RYR2: variants seen among roughly 807,000 people sequenced by gnomAD.
RYR2 encodes the protein ryanodine receptor 2, also known as cardiac muscle ryanodine receptor-calcium release channel.
In RYR2, 227 loss-of-function variants were observed where a neutral mutation model predicts 601.1. The ratio of observed to expected loss-of-function variants is 0.38; its 90% CI spans 0.34 to 0.42. The LOEUF (loss-of-function observed/expected upper bound fraction) is 0.42. Ranked by LOEUF, RYR2 falls within the 10% of genes least tolerant of loss-of-function variation. The pLI is 1.00. For missense variants in RYR2, 4,646 were observed against 6,156.5 expected, an observed-to-expected ratio of 0.75 and a Z score of 8.21; for synonymous variants, 2,223 against 2,175.1, an observed-to-expected ratio of 1.02 and a Z score of -0.61.
chr1:237,665,109 A>T (rs1347594858), intron 56 of RYR2, among the ~76,000 whole-genome samples: 1 of 152,186 alleles, frequency 6.6e-6, no homozygotes, highest in Non-Finnish European at 1.5e-5. Flanking sequence ...ATATTAAAAG[A>T]AAAACTCCAG....
chr1:237,042,578 C>G lies in RYR2; in HGVS notation c.48+9C>G. On this transcript the variant is annotated intron_variant, in intron 1 of 104. Coordinates refer to ENST00000366574, the MANE Select transcript of RYR2 (RefSeq NM_001035.3). ...TCCAGTTCCTGCGAACTGTAAGCGC[C>G]GTGCGTCGCGTGTGCTGTCAGGGGA... The G allele has an allele frequency of 7.9e-7, 1 of 1,257,996 alleles. No individual in the cohort carries two copies. Among genetic ancestry groups the G allele is most frequent in the East Asian group, 3.1e-5 (1 of 32,260 alleles). The allele number at this position is 1,257,996 out of a possible 1,614,324, so 77.9% of individuals were successfully genotyped here.
intron 101 of RYR2, among the ~76,000 whole-genome samples, chr1:237,826,332 C>A (rs1574107403): frequency 6.6e-6 from 1 of 151,988 alleles, no homozygotes. Flanking sequence ...TACTATGCAG[C>A]CATAAAAAAA....
At chr1:237,638,934 G>C in intron 45 of RYR2, 81 bp from the exon 46 acceptor site, 1 of 1,458,886 alleles carries the variant, frequency 6.9e-7, no homozygotes, top group Non-Finnish European at 9.4e-7. Context: ...TTATACATAG[G>C]AAATGATTAG....
intron 1 of RYR2, among the ~76,000 whole-genome samples, chr1:237,153,602 T>TC (rs912704671): frequency 3.6e-4 from 55 of 151,964 alleles, no homozygotes; most frequent in Admixed American, 1.4e-3. Flanking sequence ...GTGTAGCATT[T>TC]TTTTTTTGCA....
At chr1:237,776,639 TTC>T (rs3835527) in intron 87 of RYR2, among the ~76,000 whole-genome samples, 344 of 149,290 alleles carry the variant, frequency 2.3e-3, no homozygotes, top group African/African-American at 6.8e-3. Flanking sequence ...CTGAAGGTTC[TTC>T]TCTCTCTCTC....
intron 1 of RYR2, among the ~76,000 whole-genome samples, chr1:237,091,954 A>AC (rs1183442287): frequency 5.9e-5 from 9 of 152,236 alleles, no homozygotes; most frequent in African/African-American, 2.2e-4. Context: ...CAGAGAGTCA[A>AC]CAGGGGATGG....
chr1:237,413,701 G>A (rs1395402127), intron 10 of RYR2, among the ~76,000 whole-genome samples: 1 of 151,984 alleles, frequency 6.6e-6, no homozygotes, highest in East Asian at 1.9e-4. Flanking sequence ...GATTTTTAGT[G>A]ATAACTTGCA....
intron 1 of RYR2, among the ~76,000 whole-genome samples, chr1:237,191,912 A>G (rs568536715): frequency 6.6e-6 from 1 of 152,308 alleles, no homozygotes; most frequent in African/African-American, 2.4e-5. Context: ...TGGGTCAGTA[A>G]TGAGGCTTAA....
intron 81 of RYR2, among the ~76,000 whole-genome samples, chr1:237,756,876 T>A (rs1054351686): frequency 1.3e-5 from 2 of 152,238 alleles, no homozygotes; most frequent in African/African-American, 2.4e-5. Context: ...GTAATTTTTT[T>A]ATGTAATTTA....
chr1:237,631,269 A>G (rs1420816645), intron 41 of RYR2, among the ~76,000 whole-genome samples, 158 bp from the exon 42 acceptor site: 1 of 152,200 alleles, frequency 6.6e-6, no homozygotes, highest in African/African-American at 2.4e-5. Flanking sequence ...TTTTTGAGGA[A>G]AACAATTACA....
chr1:237,813,762 G>A (rs1558471286), intron 100 of RYR2, among the ~76,000 whole-genome samples: 1 of 152,108 alleles, frequency 6.6e-6, no homozygotes, highest in Non-Finnish European at 1.5e-5. Context: ...ATTTTTTTCA[G>A]TTTGAGGGAT....
rs1212219236 is a variant in RYR2 at position 237,208,974 on chromosome 1, A to ATG, written c.49-61522_49-61521insGT. ...TATATATATATATATATATATATAT[A>ATG]TATATATATATGTATACTGTAATTG... On this transcript the variant is annotated intron_variant, in intron 1 of 104. Transcript: ENST00000366574. Among the ~76,000 whole-genome samples the ATG allele has an allele frequency of 8.7e-3, 831 of 96,056 alleles. 32 individuals are homozygous for ATG. The South Asian group carries it at 0.1, about 12-fold the overall frequency. The allele number at this position is 96,056 out of a possible 152,430, so 63.0% of individuals were successfully genotyped here.
At chr1:237,627,728 C>T (rs1679829579) in intron 40 of RYR2, 79 bp from the exon 41 acceptor site, 3 of 1,394,194 alleles carry the variant, frequency 2.2e-6, no homozygotes, top group Non-Finnish European at 2.9e-6. Context: ...TTTGGGGGTA[C>T]AGGATATGGA....
At chr1:237,730,460 C>G (rs1558304623) in intron 77 of RYR2, 104 bp downstream of exon 77, 4 of 627,842 alleles carry the variant, frequency 6.4e-6, no homozygotes, top group Non-Finnish European at 1.1e-5. Context: ...AATATCATTA[C>G]AGTATATGGG....
intron 1 of RYR2, among the ~76,000 whole-genome samples, chr1:237,173,740 G>C (rs191794179): frequency 6.7e-4 from 102 of 152,284 alleles, no homozygotes; most frequent in African/African-American, 2.4e-3. Flanking sequence ...CATTAAAAGA[G>C]AGTTTGACTT....
rs372880584 is a variant in RYR2, at chr1:237,784,805, G to A, written c.13093G>A (p.Asp4365Asn). ...EAALPSEDLT[D>N]LKELTEESDL... ...CGCCCTGCCCTCCGAGGATCTGACC[G>A]ACTTAAAGGAGCTGACAGAGGAAAG... is the stretch of plus-strand genomic sequence containing the variant. Residue 4365 changes from aspartate (D) to asparagine (N), a missense_variant, in exon 90 of 105, where the codon GAC (aspartate) becomes AAC (asparagine). Coordinates refer to ENST00000366574, the MANE Select transcript of RYR2 (RefSeq NM_001035.3). This position sits in a 1 kb window ranked among gnomAD's most constrained non-coding sequence, Gnocchi z 7.1. The A allele has an allele frequency of 2.9e-5, 47 of 1,612,530 alleles. No individual in the cohort carries two copies. Among genetic ancestry groups the A allele is most frequent in the Non-Finnish European group, 3.9e-5 (46 of 1,178,980 alleles).
rs546832567 is a variant in RYR2 at position 237,386,561 on chromosome 1, T to C, written c.577-720T>C. Among the ~76,000 whole-genome samples the C allele has an allele frequency of 1.4e-4, 22 of 152,346 alleles. No individual in the cohort carries two copies. The South Asian group carries it at 3.7e-3, about 26-fold the overall frequency. On this transcript the variant is annotated intron_variant, in intron 8 of 104. Transcript: ENST00000366574. ...GTGGTTGCTCTATGTATGTTTGAAA[T>C]TCTAGAGGCAGCCAAGTTATGATGA... is the stretch of plus-strand genomic sequence containing the variant.
chr1:237,117,717 C>CTT (rs1017506451), intron 1 of RYR2, among the ~76,000 whole-genome samples: 1 of 145,522 alleles, frequency 6.9e-6, no homozygotes, highest in Non-Finnish European at 1.5e-5. Context: ...CTTCTCTTCT[C>CTT]TTCTCTTCTC....
At chr1:237,700,175 A>G in intron 64 of RYR2, 54 bp from the exon 65 acceptor site, 1 of 1,063,498 alleles carries the variant, frequency 9.4e-7, no homozygotes, top group Non-Finnish European at 1.4e-6. Flanking sequence ...CAATTCATTT[A>G]TATTTCATTT....
Sources: gnomAD v4.1 joint callset for allele counts (sites outside exome capture counted in the v4.1 genomes callset) on GRCh38, gnomAD v4.1.1 for gene constraint, Gnocchi (gnomAD v3.1) non-coding constraint, MANE v1.5 for transcripts, NCBI Gene and HGNC (gene_info 2026-07-23, HGNC 2026-07-21) for gene names.